Variants in CHST11 observed in about 807,000 individuals in gnomAD.
The protein encoded by CHST11 is carbohydrate sulfotransferase 11.
A neutral mutation model predicts 30.4 loss-of-function variants in CHST11; 9 were observed. The observed-to-expected ratio is 0.30, with a 90% CI of 0.18 to 0.52. The LOEUF (loss-of-function observed/expected upper bound fraction) is 0.52, where lower values mean the gene tolerates loss of function less well. Among genes scored for constraint, CHST11 ranks in the 20% least tolerant of loss-of-function variants. CHST11 has a pLI of 0.97. For missense variants in CHST11, 348 were observed against 460.6 expected, an observed-to-expected ratio of 0.76 and a Z score of 2.24; for synonymous variants, 152 against 187.8, an observed-to-expected ratio of 0.81 and a Z score of 1.56.
chr12:104,571,428 G>T (rs1352337987), intron 1 of CHST11, among the ~76,000 whole-genome samples: 1 of 152,216 alleles, frequency 6.6e-6, no homozygotes, highest in Non-Finnish European at 1.5e-5. Context: ...CTCCCAAAGT[G>T]CTGGGATTAC....
At chr12:104,667,602 G>A (rs899026265) in intron 2 of CHST11, among the ~76,000 whole-genome samples, 1 of 152,190 alleles carries the variant, frequency 6.6e-6, no homozygotes, top group African/African-American at 2.4e-5. Context: ...TCCATCCAGT[G>A]TTGGAGCTAG....
At position 104,583,167 on chromosome 12, in the gene CHST11, G is replaced by A. The variant is rs144488501; in HGVS notation, c.119-18739G>A. On this transcript the variant is annotated intron_variant, in intron 1 of 2. Transcript: ENST00000303694. The stretch of plus-strand genomic sequence containing the variant: ...CTTGTACATGGTTTTCTTACTTTCT[G>A]GATAAAGATGGGACCTTGTCTCTCC... Among the ~76,000 whole-genome samples, 246 of 152,116 alleles carry A rather than the reference G, an allele frequency of 1.6e-3. 1 individual carries two copies. The highest frequency in any genetic ancestry group is 5.7e-3 in the African/African-American group (235 of 41,510).
Position 104,757,702 on chromosome 12 carries a change from C to G in CHST11, c.958C>G (p.Gln320Glu), listed in dbSNP as rs2040491420. The G allele has an allele frequency of 6.2e-7, 1 of 1,614,040 alleles. No homozygotes were observed. The highest frequency in any genetic ancestry group is 8.5e-7 in the Non-Finnish European group (1 of 1,180,054). Residue 320 changes from glutamine to glutamate, a missense_variant, in exon 3 of 3, where the codon CAG becomes GAG. Physicochemically the swap from Gln to Glu is conservative, Grantham distance 29 (BLOSUM62 2). Coordinates refer to ENST00000303694, the MANE Select transcript of CHST11 (RefSeq NM_018413.6). This position sits in a 1 kb window ranked among gnomAD's most constrained non-coding sequence, Gnocchi z 6.5. ...TGATGAAATGACCACAGAATTCTTC[C>G]AGAACATCAGCTCAGAGCACCAAAC... ...TTDEMTTEFF[Q>E]NISSEHQTQL...
chr12:104,722,509 TG>T (rs2136127410), intron 2 of CHST11, among the ~76,000 whole-genome samples: 1 of 152,238 alleles, frequency 6.6e-6, no homozygotes, highest in South Asian at 2.1e-4. Context: ...ACAGTGTAAG[TG>T]CCTCTGTAAA....
chr12:104,562,738 C>T (rs964019131), intron 1 of CHST11, among the ~76,000 whole-genome samples: 1 of 152,202 alleles, frequency 6.6e-6, no homozygotes, highest in Admixed American at 6.5e-5. Context: ...CGGGCCTGCC[C>T]AGGGTCCGGT....
At chr12:104,636,105 G>A (rs2039320876) in intron 2 of CHST11, among the ~76,000 whole-genome samples, 1 of 152,184 alleles carries the variant, frequency 6.6e-6, no homozygotes, top group Non-Finnish European at 1.5e-5. Context: ...TGTGGCTATT[G>A]AGGCCTGGAG....
At chr12:104,621,984 T>C (rs1380164200) in intron 2 of CHST11, among the ~76,000 whole-genome samples, 1 of 152,208 alleles carries the variant, frequency 6.6e-6, no homozygotes, top group Non-Finnish European at 1.5e-5. Flanking sequence ...ATACTGCCTT[T>C]TTCAGAATTG....
intron 1 of CHST11, among the ~76,000 whole-genome samples, chr12:104,522,879 C>T (rs2038087322): frequency 6.6e-6 from 1 of 152,100 alleles, no homozygotes; most frequent in African/African-American, 2.4e-5. Context: ...TCTCATCATC[C>T]TTGATAAAGG....
chr12:104,502,563 C>T (rs1426185064), intron 1 of CHST11, among the ~76,000 whole-genome samples: 1 of 152,010 alleles, frequency 6.6e-6, no homozygotes, highest in African/African-American at 2.4e-5. Context: ...GAAATTAGTC[C>T]CTTAACTTTT....
intron 2 of CHST11, among the ~76,000 whole-genome samples, chr12:104,717,643 C>T (rs960617298): frequency 6.6e-5 from 10 of 152,098 alleles, no homozygotes; most frequent in African/African-American, 9.7e-5. Flanking sequence ...TGGTGGTAGG[C>T]GCCTGTAGTC....
chr12:104,686,598 C>T (rs1204620478), intron 2 of CHST11, among the ~76,000 whole-genome samples: 2 of 152,202 alleles, frequency 1.3e-5, no homozygotes, highest in Non-Finnish European at 2.9e-5. Context: ...AAAGTAACTG[C>T]TAAGTAGAGC....
intron 1 of CHST11, among the ~76,000 whole-genome samples, chr12:104,561,807 T>C (rs1168109342): frequency 6.6e-6 from 1 of 151,958 alleles, no homozygotes; most frequent in Non-Finnish European, 1.5e-5. Context: ...TTTTTTTTTT[T>C]TTGAGACAGA....
chr12:104,462,081 C>A (rs543987721), intron 1 of CHST11, among the ~76,000 whole-genome samples: 63 of 146,980 alleles, frequency 4.3e-4, no homozygotes, highest in South Asian at 1.1e-3. Context: ...GCAGCAGAAT[C>A]ACTTGAACCA....
intron 1 of CHST11, among the ~76,000 whole-genome samples, chr12:104,521,299 G>T (rs1333937426): frequency 1.3e-5 from 2 of 152,106 alleles, no homozygotes; most frequent in African/African-American, 4.8e-5. Flanking sequence ...TCCGCAACAG[G>T]TGAGCCTGGG....
In CHST11 at chr12:104,518,342, C is replaced by T. The variant is rs988469951; in HGVS notation, c.118+60813C>T. On this transcript the variant is annotated intron_variant, in intron 1 of 2. Transcript: ENST00000303694. ...TTTGAGTTAGCAAGTATGACAGGAG[C>T]GCGTGAGTAGGAAGGAGGGAAGATT... is the stretch of plus-strand genomic sequence containing the variant. Among the ~76,000 whole-genome samples the T allele has an allele frequency of 1.3e-5, 2 of 151,960 alleles. 1 individual carries two copies. Among genetic ancestry groups the T allele is most frequent in the Non-Finnish European group, 2.9e-5 (2 of 67,996 alleles).
At chr12:104,668,576 G>A (rs1261522029) in intron 2 of CHST11, among the ~76,000 whole-genome samples, 2 of 152,202 alleles carry the variant, frequency 1.3e-5, no homozygotes, top group Admixed American at 1.3e-4. Flanking sequence ...TAGCTGTGTT[G>A]TGCAGAAGGG....
intron 1 of CHST11, among the ~76,000 whole-genome samples, chr12:104,571,620 C>T (rs1413378496): frequency 6.6e-6 from 1 of 152,182 alleles, no homozygotes; most frequent in African/African-American, 2.4e-5. Context: ...GAAGTGGCAG[C>T]TCAGGTCTGA....
rs2040506774 is a variant in CHST11 at position 104,759,468 on chromosome 12, G to A, written c.*1665G>A. The A allele has an allele frequency of 6.6e-6, 1 of 151,992 alleles. No homozygotes were observed. Among genetic ancestry groups the A allele is most frequent in the Admixed American group, 6.6e-5 (1 of 15,256 alleles). 9.4% of individuals were successfully genotyped at this position (151,992 alleles called of 1,614,324 possible). A position where few individuals can be genotyped will look rare whatever the true frequency, so the allele number is the denominator to read the frequency against. ...TAATAATAATAGTTTTAATAATAGGGGAGGGTGGGATGGGGTGTGGGTAAG... is the reference window on the plus strand; with the variant it reads ...TAATAATAATAGTTTTAATAATAGGAGAGGGTGGGATGGGGTGTGGGTAAG... On this transcript the variant is annotated 3_prime_UTR_variant, in exon 3 of 3. Coordinates refer to ENST00000303694, the MANE Select transcript of CHST11 (RefSeq NM_018413.6).
chr12:104,657,913 C>T (rs2039561153), intron 2 of CHST11, among the ~76,000 whole-genome samples: 1 of 152,140 alleles, frequency 6.6e-6, no homozygotes. Flanking sequence ...CGAATAAAGA[C>T]ACGCTTTATT....
Sources: allele counts gnomAD v4.1 joint callset (sites outside exome capture counted in the v4.1 genomes callset), GRCh38; gene constraint gnomAD v4.1.1; non-coding constraint Gnocchi (gnomAD v3.1); transcripts MANE v1.5; gene names NCBI Gene and HGNC (gene_info 2026-07-23, HGNC 2026-07-21).